DACT1: variants seen among roughly 807,000 people sequenced by gnomAD.
DACT1 encodes the protein dishevelled binding antagonist of beta catenin 1.
DACT1 carries 19 observed loss-of-function variants against 35.3 expected under a neutral mutation model. The observed-to-expected ratio is 0.54, with a 90% CI of 0.38 to 0.79. DACT1 has a LOEUF of 0.79. Ranked by LOEUF, DACT1 falls within the 30% of genes least tolerant of loss-of-function variation. DACT1 has a pLI of 0.00. For synonymous variants in DACT1, 545 were observed against 466.7 expected (o/e 1.17, Z -2.16); for missense variants, 1,143 against 1,057.5 (o/e 1.08, Z -1.12).
In DACT1 at chr14:58,638,029, A is replaced by C; in HGVS notation, c.-174A>C. ...CGGACGGCGCTGCCCGGGCCGGGAC[A>C]GCAGCAGCCGGCGGTCGCGCGCAGG... On this transcript the variant is annotated 5_prime_UTR_variant, in exon 1 of 4. Coordinates refer to ENST00000395153, the MANE Select transcript of DACT1 (RefSeq NM_001079520.2). 1.8e-6 allele frequency: 1 copy of C among 558,048 alleles called. No individual in the cohort carries two copies. The allele number at this position is 558,048 out of a possible 1,614,324, so 34.6% of individuals were successfully genotyped here. A position where few individuals can be genotyped will look rare whatever the true frequency, so the allele number is the denominator to read the frequency against.
upstream of DACT1, among the ~76,000 whole-genome samples, chr14:58,637,191 C>A (rs1566987158): frequency 6.6e-6 from 1 of 152,314 alleles, no homozygotes; most frequent in South Asian, 2.1e-4. Context: ...TTATTGTAAA[C>A]GCAGACTAAG....
At chr14:58,643,366 A>G (rs1017183949) in intron 3 of DACT1, among the ~76,000 whole-genome samples, 5 of 152,226 alleles carry the variant, frequency 3.3e-5, no homozygotes, top group Admixed American at 6.5e-5. Context: ...GGCACAAGTC[A>G]TCACACTCCT....
Position 58,646,196 on chromosome 14 carries a change from C to T in DACT1, c.1462C>T (p.Leu488=), listed in dbSNP as rs2047678708. ...LQGVPPATPP[L]LSTAFPVEER... is the part of the protein sequence containing the mutation. ...GGGCGTCCCCCCGGCCACTCCTCCC[C>T]TGCTGTCTACAGCTTTCCCCGTGGA... Residue 488 remains leucine, a synonymous_variant, in exon 4 of 4, where the codon CTG becomes TTG. Transcript: ENST00000395153. 2 of 1,613,680 alleles carry T rather than the reference C, an allele frequency of 1.2e-6. No individual in the cohort carries two copies. The highest frequency in any genetic ancestry group is 1.1e-5 in the South Asian group (1 of 91,018).
intron 1 of DACT1, among the ~76,000 whole-genome samples, chr14:58,640,137 G>A (rs723439): frequency 0.072 from 10,961 of 152,284 alleles, 508 homozygotes; most frequent in Non-Finnish European, 0.1. Context: ...TGGAAACCCA[G>A]AGGCGTTCAA....
In DACT1 at chr14:58,645,998, G is replaced by A; in HGVS notation, c.1264G>A (p.Ala422Thr). 1 of 1,614,058 alleles carries A rather than the reference G, an allele frequency of 6.2e-7. No homozygotes were observed. Among genetic ancestry groups the A allele is most frequent in the South Asian group, 1.1e-5 (1 of 91,090 alleles). ...SKHLPKTAKP[A>T]SQEHARCSAI... ...GCACCTGCCAAAAACGGCCAAGCCA[G>A]CCTCGCAAGAACATGCTCGGTGTTC... is the stretch of plus-strand genomic sequence containing the variant. The change falls in exon 4 of 4, where the codon GCC becomes ACC. Residue 422 changes from alanine to threonine, a missense_variant. Physicochemically the swap from Ala to Thr is moderately conservative, Grantham distance 58. This residue lies in a region of DACT1 where 1,054 missense variants were observed against 958.8 expected (regional missense o/e 1.10). Transcript: ENST00000395153.
chr14:58,639,361 A>C, intron 1 of DACT1: 1 of 725,240 alleles, frequency 1.4e-6, no homozygotes, highest in Non-Finnish European at 1.7e-6. Flanking sequence ...TAATGTATTG[A>C]TGAACAGCTT....
At chr14:58,642,497 C>T (rs561967421) in intron 3 of DACT1, among the ~76,000 whole-genome samples, 8 of 151,492 alleles carry the variant, frequency 5.3e-5, no homozygotes, top group Non-Finnish European at 8.8e-5. Flanking sequence ...AACAAAAGAC[C>T]AGCCTGGGCA....
chr14:58,638,996 TGGCGTGCTTAACTGTCCAG>T, intron 1 of DACT1: 2 of 986,054 alleles, frequency 2.0e-6, no homozygotes, highest in Non-Finnish European at 2.4e-6. Context: ...AGGGGGTTTG[TGGCGTGCTTAACTGTCCAG>T]GGCCGAGTTT....
At position 58,646,015 on chromosome 14, in the gene DACT1, T is replaced by C; in HGVS notation, c.1281T>C (p.Ala427=). 1 of 1,614,088 alleles carries C rather than the reference T, an allele frequency of 6.2e-7. No homozygotes were observed. Among genetic ancestry groups the C allele is most frequent in the Middle Eastern group, 1.6e-4 (1 of 6,062 alleles). The change falls in exon 4 of 4, where the codon GCT becomes GCC. Residue 427 remains alanine (A), a synonymous_variant. Transcript: ENST00000395153. The part of the protein sequence containing the change: ...KTAKPASQEH[A]RCSAIGTGES... Reference sequence around the variant, plus strand: ...CCAAGCCAGCCTCGCAAGAACATGCTCGGTGTTCCGCCATTGGGACAGGGG... The same window carrying C: ...CCAAGCCAGCCTCGCAAGAACATGCCCGGTGTTCCGCCATTGGGACAGGGG...
intron 1 of DACT1, chr14:58,639,025 T>G (rs920905528): frequency 6.1e-5 from 60 of 985,300 alleles, no homozygotes; most frequent in Non-Finnish European, 7.2e-5. Context: ...GGGCCGAGTT[T>G]TACGATTACA....
rs796860556 is a variant in DACT1, at chr14:58,638,643, G to A, written c.345+96G>A. The A allele has an allele frequency of 1.5e-5, 19 of 1,243,816 alleles. 1 individual carries two copies. In the African/African-American group the frequency reaches 2.9e-4, roughly 19 times the overall value. 77.0% of individuals were successfully genotyped at this position (1,243,816 alleles called of 1,614,324 possible). Reference sequence around the variant, plus strand: ...GCGGGCGCGAGGTTGACTCTGGCTGGGGAGATGCTCGCTGTTATGGGACGC... The same window carrying A: ...GCGGGCGCGAGGTTGACTCTGGCTGAGGAGATGCTCGCTGTTATGGGACGC... On this transcript the variant is annotated intron_variant, in intron 1 of 3. Coordinates refer to ENST00000395153, the MANE Select transcript of DACT1 (RefSeq NM_001079520.2).
In DACT1 at chr14:58,645,538, T is replaced by C; in HGVS notation, c.804T>C (p.Ile268=). ...GGCTTGGAAACCATGCCAGTGACAT[T>C]TGCGGTGGATCTGAGCTAGATGCCG... ...EDRLGNHASD[I]CGGSELDAVK... Residue 268 remains isoleucine, a synonymous_variant, in exon 4 of 4, where the codon ATT becomes ATC. Coordinates refer to ENST00000395153, the MANE Select transcript of DACT1 (RefSeq NM_001079520.2). 1 of 1,614,120 alleles carries C rather than the reference T, an allele frequency of 6.2e-7. No individual in the cohort carries two copies.
In DACT1 at chr14:58,638,884, G is replaced by A. The variant is rs1034127583; in HGVS notation, c.345+337G>A. The A allele has an allele frequency of 7.6e-6, 8 of 1,047,366 alleles. No individual in the cohort carries two copies. In the African/African-American group the frequency reaches 1.0e-4, roughly 13 times the overall value. 64.9% of individuals were successfully genotyped at this position (1,047,366 alleles called of 1,614,324 possible). A position where few individuals can be genotyped will look rare whatever the true frequency, so the allele number is the denominator to read the frequency against. On this transcript the variant is annotated intron_variant, in intron 1 of 3. Transcript: ENST00000395153. ...GGTCTCCTTAGTTAGATGAGTATATGCCCTCTCCCCAGCGGTTTGCAAACT... is the reference window on the plus strand; with the variant it reads ...GGTCTCCTTAGTTAGATGAGTATATACCCTCTCCCCAGCGGTTTGCAAACT...
intron 3 of DACT1, among the ~76,000 whole-genome samples, chr14:58,644,081 T>C (rs1279284676): frequency 6.6e-6 from 1 of 152,214 alleles, no homozygotes; most frequent in Non-Finnish European, 1.5e-5. Flanking sequence ...AAATTATTAC[T>C]GATAAACTCA....
At position 58,640,842 on chromosome 14, in the gene DACT1, T is replaced by G. The variant is rs762946159; in HGVS notation, c.452T>G (p.Leu151Arg). 1.9e-6 allele frequency: 3 copies of G among 1,614,150 alleles called. No homozygotes were observed. The highest frequency in any genetic ancestry group is 1.7e-5 in the Admixed American group (1 of 60,034). The stretch of plus-strand genomic sequence containing the variant: ...GTAGAAAAGACATCTGAAGAGCACC[T>G]GGAGACAGACAGTCGGCCTAGCTCA... ...LDVEKTSEEHLETDSRPSSGF... is the reference protein window; with the variant it reads ...LDVEKTSEEHRETDSRPSSGF... The change falls in exon 2 of 4, where the codon CTG becomes CGG. Residue 151 changes from leucine to arginine, a missense_variant. Physicochemically the swap from Leu to Arg is moderately radical, Grantham distance 102 (BLOSUM62 -2). Coordinates refer to ENST00000395153, the MANE Select transcript of DACT1 (RefSeq NM_001079520.2).
chr14:58,646,512 A>T lies in DACT1; in HGVS notation c.1778A>T (p.Lys593Met). ...AAGAAACTCAAGAAAGCCTCCTCCAAGGGGAGGAAGAGTGGGGGCGGGCCC... is the reference window on the plus strand; with the variant it reads ...AAGAAACTCAAGAAAGCCTCCTCCATGGGGAGGAAGAGTGGGGGCGGGCCC... ...TNKKLKKASS[K>M]GRKSGGGPEA... The change falls in exon 4 of 4, where the codon AAG becomes ATG. Residue 593 changes from lysine (K) to methionine (M), a missense_variant. Lys to Met is a moderately conservative substitution (Grantham distance 95). Coordinates refer to ENST00000395153, the MANE Select transcript of DACT1 (RefSeq NM_001079520.2). The T allele has an allele frequency of 6.4e-7, 1 of 1,559,138 alleles. No individual in the cohort carries two copies. Among genetic ancestry groups the T allele is most frequent in the Non-Finnish European group, 8.6e-7 (1 of 1,156,652 alleles).
chr14:58,641,335 C>T (rs1037821867), intron 2 of DACT1, among the ~76,000 whole-genome samples: 1 of 151,706 alleles, frequency 6.6e-6, no homozygotes, highest in Non-Finnish European at 1.5e-5. Context: ...TGTTCAAAGG[C>T]GGGGTCAAGG....
At chr14:58,644,997 CCTCT>C (rs2047659387) in intron 3 of DACT1, among the ~76,000 whole-genome samples, 1 of 151,862 alleles carries the variant, frequency 6.6e-6, no homozygotes, top group South Asian at 2.1e-4. Flanking sequence ...AAGTGTTTTC[CCTCT>C]ATTATGCAGT....
chr14:58,640,442 T>C (rs1332429586), intron 1 of DACT1, among the ~76,000 whole-genome samples: 2 of 152,218 alleles, frequency 1.3e-5, no homozygotes, highest in African/African-American at 4.8e-5. Context: ...TCTCAGTCCA[T>C]TTTTCTTGTC....
Sources: gnomAD v4.1 joint callset for allele counts (sites outside exome capture counted in the v4.1 genomes callset) on GRCh38, gnomAD v4.1.1 for gene constraint, gnomAD v4.1.1 regional missense constraint, MANE v1.5 for transcripts, NCBI Gene and HGNC (gene_info 2026-07-23, HGNC 2026-07-21) for gene names.